ADK: variants seen among roughly 807,000 people sequenced by gnomAD.
The protein encoded by ADK is N6,N6-dimethyladenosine kinase.
A neutral mutation model predicts 44.7 loss-of-function variants in ADK; 24 were observed. The ratio of observed to expected loss-of-function variants is 0.54; its 90% confidence interval spans 0.39 to 0.76. The LOEUF (loss-of-function observed/expected upper bound fraction) is 0.76, where lower values mean the gene tolerates loss of function less well. Among genes scored for constraint, ADK ranks in the 30% least tolerant of loss-of-function variants. The pLI is 0.00. For missense variants in ADK, 321 were observed against 425.1 expected, an observed-to-expected ratio of 0.76 and a Z score of 2.15; for synonymous variants, 128 against 142.6, an observed-to-expected ratio of 0.90 and a Z score of 0.73.
At chr10:74,485,218 A>G (rs1300237027) in intron 6 of ADK, among the ~76,000 whole-genome samples, 2 of 152,214 alleles carry the variant, frequency 1.3e-5, no homozygotes, top group Non-Finnish European at 2.9e-5. Flanking sequence ...AAAATAGTCA[A>G]AAGATACCAA....
intron 6 of ADK, among the ~76,000 whole-genome samples, chr10:74,481,470 A>G (rs1312906475): frequency 6.6e-6 from 1 of 150,962 alleles, no homozygotes; most frequent in East Asian, 1.9e-4. Context: ...TTTTTTCTCC[A>G]TTTCTTTGAT....
intron 6 of ADK, among the ~76,000 whole-genome samples, chr10:74,493,052 AT>A (rs1013397967): frequency 6.6e-6 from 1 of 151,950 alleles, no homozygotes; most frequent in Admixed American, 6.6e-5. Flanking sequence ...TCATTCCATC[AT>A]TTTTTCTGCA....
chr10:74,473,522 C>T (rs1205259769), intron 6 of ADK, among the ~76,000 whole-genome samples: 1 of 152,186 alleles, frequency 6.6e-6, no homozygotes, highest in African/African-American at 2.4e-5. Context: ...CTTGCCTTCT[C>T]TTTTGTGGCC....
rs1840089563 is a variant in ADK at position 74,302,382 on chromosome 10, A to G, written c.195-12285A>G. Among the ~76,000 whole-genome samples, 3 of 151,102 alleles carry G rather than the reference A, an allele frequency of 2.0e-5. No individual in the cohort carries two copies. The South Asian group carries it at 6.3e-4, about 32-fold the overall frequency. On this transcript the variant is annotated intron_variant, in intron 3 of 10. Transcript: ENST00000539909. Reference sequence around the variant, plus strand: ...GGCAATCAGCCCACCTCAGCCTCCCAAAGTGCTAGGATTATAGGCATGAGC... The same window carrying G: ...GGCAATCAGCCCACCTCAGCCTCCCGAAGTGCTAGGATTATAGGCATGAGC...
chr10:74,326,820 G>A lies in ADK; in HGVS notation c.273+12075G>A, dbSNP rs373606696. ...TTATTTCTTCTAGGTTTTCTAGTTT[G>A]TTGGTGTATAATTGTTAATGAGAGT... is the stretch of plus-strand genomic sequence containing the variant. On this transcript the variant is annotated intron_variant, in intron 4 of 10. Coordinates refer to ENST00000539909, the MANE Select transcript of ADK (RefSeq NM_006721.4). 4.6e-5 allele frequency among the ~76,000 whole-genome samples: 7 copies of A among 152,084 alleles called. No homozygotes were observed. The South Asian group carries it at 1.5e-3, about 32-fold the overall frequency.
chr10:74,707,763 CAA>C (rs565886417), intron 10 of ADK, among the ~76,000 whole-genome samples: 24 of 104,018 alleles, frequency 2.3e-4, no homozygotes, highest in African/African-American at 1.6e-4. Flanking sequence ...AACTCCACCT[CAA>C]AAAAAAAAAA....
chr10:74,390,735 C>T (rs1592141394), intron 4 of ADK, among the ~76,000 whole-genome samples: 1 of 152,140 alleles, frequency 6.6e-6, no homozygotes, highest in Admixed American at 6.6e-5. Flanking sequence ...CTTTAATATA[C>T]TTTCCTCCCA....
At chr10:74,451,067 C>CTTTTTT (rs35120068) in intron 6 of ADK, among the ~76,000 whole-genome samples, 214 of 72,148 alleles carry the variant, frequency 3.0e-3, no homozygotes, top group African/African-American at 3.7e-3. Context: ...GCTCTGCTGC[C>CTTTTTT]TTTTTTTTTT....
At chr10:74,354,138 CT>C (rs1842058917) in intron 4 of ADK, among the ~76,000 whole-genome samples, 1 of 152,218 alleles carries the variant, frequency 6.6e-6, no homozygotes, top group Non-Finnish European at 1.5e-5. Context: ...CTGATTACTA[CT>C]GTTGAACAGA....
At chr10:74,499,293 G>A (rs1286635460) in intron 6 of ADK, among the ~76,000 whole-genome samples, 1 of 152,174 alleles carries the variant, frequency 6.6e-6, no homozygotes, top group African/African-American at 2.4e-5. Flanking sequence ...TGAGCTTGCT[G>A]TTGAGAAGTT....
At chr10:74,453,797 G>C (rs941454533) in intron 6 of ADK, among the ~76,000 whole-genome samples, 1 of 151,732 alleles carries the variant, frequency 6.6e-6, no homozygotes, top group African/African-American at 2.4e-5. Context: ...TGAAATTTTT[G>C]GTTTTGTGTT....
chr10:74,566,973 T>G (rs1201533692), intron 7 of ADK, among the ~76,000 whole-genome samples: 1 of 152,236 alleles, frequency 6.6e-6, no homozygotes, highest in Admixed American at 6.5e-5. Context: ...AAAACTCATT[T>G]TTATGGTCAT....
At chr10:74,192,250 CAG>C (rs2132121936) in intron 1 of ADK, among the ~76,000 whole-genome samples, 1 of 151,382 alleles carries the variant, frequency 6.6e-6, no homozygotes, top group African/African-American at 2.4e-5. Flanking sequence ...TTTTTTGAGA[CAG>C]AGTCTTGCTC....
intron 4 of ADK, among the ~76,000 whole-genome samples, chr10:74,353,693 C>G (rs190419126): frequency 2.6e-5 from 4 of 151,854 alleles, no homozygotes; most frequent in African/African-American, 4.8e-5. Context: ...ATGGTGAAAC[C>G]CTGTTTCTAC....
chr10:74,452,792 A>G (rs918057104), intron 6 of ADK, among the ~76,000 whole-genome samples: 1 of 152,046 alleles, frequency 6.6e-6, no homozygotes, highest in Non-Finnish European at 1.5e-5. Context: ...AATAAAACAC[A>G]TTTCTGGTTT....
At chr10:74,637,326 A>C (rs1853653855) in intron 9 of ADK, among the ~76,000 whole-genome samples, 1 of 152,226 alleles carries the variant, frequency 6.6e-6, no homozygotes, top group Non-Finnish European at 1.5e-5. Flanking sequence ...TTTAAAAGAA[A>C]AAAAAATGCC....
chr10:74,561,459 G>A (rs569478793), intron 7 of ADK, among the ~76,000 whole-genome samples: 2 of 152,148 alleles, frequency 1.3e-5, no homozygotes, highest in East Asian at 1.9e-4. Context: ...AAGGGATCAG[G>A]CATCAAGATA....
intron 9 of ADK, among the ~76,000 whole-genome samples, chr10:74,624,854 T>C (rs1415350745): frequency 6.6e-6 from 1 of 152,082 alleles, no homozygotes; most frequent in Non-Finnish European, 1.5e-5. Context: ...TGGTTGAGGT[T>C]TTTGGCTGTG....
At chr10:74,460,951 T>C (rs1224260688) in intron 6 of ADK, among the ~76,000 whole-genome samples, 1 of 152,208 alleles carries the variant, frequency 6.6e-6, no homozygotes, top group East Asian at 1.9e-4. Context: ...CAGGAAGTTC[T>C]GTCTAGCAGA....
Sources: gnomAD v4.1 joint callset for allele counts (sites outside exome capture counted in the v4.1 genomes callset) on GRCh38, gnomAD v4.1.1 for gene constraint, MANE v1.5 for transcripts, NCBI Gene and HGNC (gene_info 2026-07-23, HGNC 2026-07-21) for gene names.